RCAN2: variants seen among roughly 807,000 people sequenced by gnomAD.
RCAN2 encodes the protein calcipressin-2.
In RCAN2, 9 loss-of-function variants were observed where a neutral mutation model predicts 23.6. That is an observed-to-expected ratio of 0.38 (90% CI 0.23 to 0.67). The LOEUF is 0.67. Ranked by LOEUF, RCAN2 falls within the 30% of genes least tolerant of loss-of-function variation. RCAN2 has a pLI of 0.51. For missense variants in RCAN2, 273 were observed against 302.3 expected, an observed-to-expected ratio of 0.90 and a Z score of 0.72; for synonymous variants, 109 against 115.7, an observed-to-expected ratio of 0.94 and a Z score of 0.37.
At chr6:46,241,872 T>C (rs1766317848) in intron 4 of RCAN2, among the ~76,000 whole-genome samples, 1 of 152,242 alleles carries the variant, frequency 6.6e-6, no homozygotes, top group Admixed American at 6.5e-5. Context: ...GCCTGGCACA[T>C]AGTAAGTAAT....
At position 46,323,199 on chromosome 6, in the gene RCAN2, C is replaced by G. The variant is rs537378677; in HGVS notation, c.226-74303G>C. Among the ~76,000 whole-genome samples the G allele has an allele frequency of 6.8e-4, 103 of 152,088 alleles. 1 individual carries two copies. The highest frequency in any genetic ancestry group is 2.3e-3 in the African/African-American group (97 of 41,506). On this transcript the variant is annotated intron_variant, in intron 2 of 4. Coordinates refer to ENST00000371374, the MANE Select transcript of RCAN2 (RefSeq NM_001251974.2). ...AGTTACCTATCACTTTCAGAGAGTGCCTACAAAGATGACAATGATGACGAT... is the reference window on the plus strand; with the variant it reads ...AGTTACCTATCACTTTCAGAGAGTGGCTACAAAGATGACAATGATGACGAT...
rs144709027 is a variant in RCAN2 at position 46,232,623 on chromosome 6, C to T, written c.572-9322G>A. On this transcript the variant is annotated intron_variant, in intron 4 of 4. Transcript: ENST00000371374. The stretch of plus-strand genomic sequence containing the variant: ...CCTGGTCAACATGGGGAAACCCCCA[C>T]CTCTACTAAAAATACAAAAATTAGC... 8.0e-3 allele frequency among the ~76,000 whole-genome samples: 1,221 copies of T among 151,918 alleles called. 27 individuals carry two copies. Among genetic ancestry groups the T allele is most frequent in the African/African-American group, 0.028 (1,176 of 41,442 alleles).
chr6:46,301,137 G>C (rs1762892945), intron 2 of RCAN2, among the ~76,000 whole-genome samples: 1 of 152,026 alleles, frequency 6.6e-6, no homozygotes, highest in South Asian at 2.1e-4. Context: ...AGTAGGTGGA[G>C]ATGAAGGAAA....
At chr6:46,224,149 G>A (rs1715130269) in intron 4 of RCAN2, among the ~76,000 whole-genome samples, 1 of 152,116 alleles carries the variant, frequency 6.6e-6, no homozygotes, top group Admixed American at 6.5e-5. Context: ...GCTTCCTAGT[G>A]GACTGGCAGC....
chr6:46,419,178 G>T (rs555594166), intron 2 of RCAN2, among the ~76,000 whole-genome samples: 17 of 152,266 alleles, frequency 1.1e-4, no homozygotes. Context: ...TGGAAAGTTT[G>T]AAACCAGCCA....
In RCAN2 at chr6:46,229,581, T is replaced by C. The variant is rs557924364; in HGVS notation, c.572-6280A>G. 5.9e-4 allele frequency among the ~76,000 whole-genome samples: 90 copies of C among 152,370 alleles called. No homozygotes were observed. In the South Asian group the frequency reaches 8.9e-3, roughly 15 times the overall value. On this transcript the variant is annotated intron_variant, in intron 4 of 4. Transcript: ENST00000371374. ...CAAATTGGCTACTGAAGCTTTTGTA[T>C]GCATCACATAGTTCTCTTGCCATGG... is the stretch of plus-strand genomic sequence containing the variant.
intron 2 of RCAN2, among the ~76,000 whole-genome samples, chr6:46,415,826 A>G (rs1163108196): frequency 6.6e-6 from 1 of 152,228 alleles, no homozygotes; most frequent in African/African-American, 2.4e-5. Flanking sequence ...TCGTTCCTCA[A>G]TATCTGTGAG....
chr6:46,467,628 G>A (rs1260260837), intron 1 of RCAN2, among the ~76,000 whole-genome samples: 2 of 152,030 alleles, frequency 1.3e-5, no homozygotes. Context: ...TTTTGGCACT[G>A]CCACTTTCTA....
intron 2 of RCAN2, among the ~76,000 whole-genome samples, chr6:46,350,518 G>T (rs1032425632): frequency 3.3e-5 from 5 of 152,188 alleles, no homozygotes; most frequent in African/African-American, 1.2e-4. Flanking sequence ...CAGAGCAATT[G>T]AGGAGAGTCA....
intron 4 of RCAN2, among the ~76,000 whole-genome samples, chr6:46,245,025 T>C (rs1421276286): frequency 6.6e-6 from 1 of 152,226 alleles, no homozygotes; most frequent in Admixed American, 6.5e-5. Context: ...CTTTATACAC[T>C]GTGCAGTGTT....
At chr6:46,482,855 T>C (rs1166166340) in intron 1 of RCAN2, among the ~76,000 whole-genome samples, 2 of 152,230 alleles carry the variant, frequency 1.3e-5, no homozygotes, top group African/African-American at 4.8e-5. Context: ...CAAAAGTCTT[T>C]TGATAAATAG....
chr6:46,318,334 C>A (rs1195611909), intron 2 of RCAN2, among the ~76,000 whole-genome samples: 1 of 151,940 alleles, frequency 6.6e-6, no homozygotes, highest in East Asian at 1.9e-4. Context: ...CTAACAGAAG[C>A]ATAGATAGGT....
At chr6:46,430,812 G>T (rs2150416742) in intron 2 of RCAN2, among the ~76,000 whole-genome samples, 1 of 152,282 alleles carries the variant, frequency 6.6e-6, no homozygotes, top group Middle Eastern at 3.4e-3. Flanking sequence ...GGAAACAACA[G>T]ACAGGCAACT....
intron 2 of RCAN2, among the ~76,000 whole-genome samples, chr6:46,285,116 C>T (rs754987953): frequency 1.8e-4 from 27 of 152,098 alleles, no homozygotes; most frequent in Admixed American, 9.2e-4. Flanking sequence ...TTCTTTACAC[C>T]TAGAAATGCA....
At chr6:46,475,089 T>G (rs1768676977) in intron 1 of RCAN2, among the ~76,000 whole-genome samples, 1 of 152,226 alleles carries the variant, frequency 6.6e-6, no homozygotes, top group African/African-American at 2.4e-5. Context: ...TGTATAAGAA[T>G]CTTAGAGGGA....
chr6:46,273,539 C>G (rs1767586201), intron 2 of RCAN2, among the ~76,000 whole-genome samples: 1 of 152,064 alleles, frequency 6.6e-6, no homozygotes, highest in African/African-American at 2.4e-5. Context: ...AGTGATTTTC[C>G]TTTGCTGAAG....
chr6:46,285,214 T>C (rs954749643), intron 2 of RCAN2, among the ~76,000 whole-genome samples: 11 of 152,328 alleles, frequency 7.2e-5, no homozygotes, highest in Middle Eastern at 3.4e-3. Context: ...TCACCACCAT[T>C]GCACCATTAA....
At chr6:46,374,294 C>T (rs1765402314) in intron 2 of RCAN2, among the ~76,000 whole-genome samples, 1 of 152,218 alleles carries the variant, frequency 6.6e-6, no homozygotes. Flanking sequence ...ACAAATCCTT[C>T]AATCTTCCTA....
At chr6:46,240,576 G>A (rs910805896) in intron 4 of RCAN2, among the ~76,000 whole-genome samples, 7 of 152,106 alleles carry the variant, frequency 4.6e-5, no homozygotes, top group Non-Finnish European at 7.4e-5. Flanking sequence ...TGGGAACACT[G>A]GACACTCACT....
Sources: allele counts gnomAD v4.1 joint callset (sites outside exome capture counted in the v4.1 genomes callset), GRCh38; gene constraint gnomAD v4.1.1; transcripts MANE v1.5; gene names NCBI Gene and HGNC (gene_info 2026-07-23, HGNC 2026-07-21).